Variants in HEXA observed in about 807,000 individuals in gnomAD.
HEXA encodes the protein beta-hexosaminidase subunit alpha.
HEXA carries 54 observed loss-of-function variants against 73.3 expected under a neutral mutation model. That is an observed-to-expected ratio of 0.74 (90% CI 0.59 to 0.92). The LOEUF (loss-of-function observed/expected upper bound fraction) is 0.92, where lower values mean the gene tolerates loss of function less well. Ranked by LOEUF, HEXA falls within the 40% of genes least tolerant of loss-of-function variation. The pLI, the probability that HEXA is intolerant of heterozygous loss-of-function variation, is 0.00. For missense variants in HEXA, 649 were observed against 653.0 expected (o/e 0.99, Z 0.07); for synonymous variants, 230 against 246.9 (o/e 0.93, Z 0.64).
chr15:72,371,235 G>C (rs1237010730), intron 1 of HEXA, among the ~76,000 whole-genome samples: 3 of 152,106 alleles, frequency 2.0e-5, no homozygotes, highest in Non-Finnish European at 2.9e-5. Flanking sequence ...AGCATAGTGT[G>C]ATTATCCTTT....
Position 72,375,978 on chromosome 15 carries a change from G to A in HEXA, c.-6C>T, listed in dbSNP as rs753916320. On this transcript the variant is annotated 5_prime_UTR_variant, in exon 1 of 14. Coordinates refer to ENST00000268097, the MANE Select transcript of HEXA (RefSeq NM_000520.6). ...CAAAGCCTGGAGCTTGTCATGGCCC[G>A]CTGGTCTCCCCTCTCGGAGGGGGCT... The A allele has an allele frequency of 3.1e-6, 5 of 1,612,838 alleles. No homozygotes were observed. The highest frequency in any genetic ancestry group is 3.3e-5 in the Admixed American group (2 of 60,006).
At chr15:72,346,144 T>G in intron 12 of HEXA, 91 bp downstream of exon 12, 1 of 868,276 alleles carries the variant, frequency 1.2e-6, no homozygotes, top group East Asian at 2.6e-5. Context: ...AGAAGGGTAC[T>G]AGTCCAGAGG....
intron 2 of HEXA, among the ~76,000 whole-genome samples, chr15:72,356,237 G>A (rs1176039218): frequency 6.6e-6 from 1 of 152,168 alleles, no homozygotes; most frequent in Non-Finnish European, 1.5e-5. Context: ...GAGAAAAGTA[G>A]CAAAGTATAC....
intron 7 of HEXA, among the ~76,000 whole-genome samples, chr15:72,349,493 C>T (rs1321291100): frequency 1.3e-5 from 2 of 152,202 alleles, no homozygotes; most frequent in African/African-American, 4.8e-5. Context: ...TCCAGCCAGA[C>T]AACTGTCAGT....
rs752813753 is a variant in HEXA at position 72,353,166 on chromosome 15, T to C, written c.472A>G (p.Lys158Glu). The C allele has an allele frequency of 1.9e-6, 3 of 1,607,896 alleles. No homozygotes were observed. Among genetic ancestry groups the C allele is most frequent in the Admixed American group, 1.7e-5 (1 of 59,968 alleles). ...KSAEGTFFIN[K>E]TEIEDFPRFP... ...CGGGGAAAGTCCTCAATCTCAGTCT[T>C]GTTGATAAAGAACTGTGCAGAACAA... Residue 158 changes from lysine to glutamate, a missense_variant, in exon 5 of 14, where the codon AAG becomes GAG. Coordinates refer to ENST00000268097, the MANE Select transcript of HEXA (RefSeq NM_000520.6).
At chr15:72,350,715 A>C in intron 6 of HEXA, 65 bp from the exon 7 acceptor site, 7 of 1,594,574 alleles carry the variant, frequency 4.4e-6, no homozygotes, top group African/African-American at 1.3e-5. Flanking sequence ...GAAGATACTC[A>C]AAATGCCCAC....
At chr15:72,354,635 A>G (rs2088748572) in intron 3 of HEXA, 1 of 152,404 alleles carries the variant, frequency 6.6e-6, no homozygotes, top group African/African-American at 2.4e-5. Context: ...ACTCACCATC[A>G]GCACCTGCAT....
At chr15:72,357,527 G>A (rs1342260070) in intron 1 of HEXA, 1 of 152,224 alleles carries the variant, frequency 6.6e-6, no homozygotes, top group African/African-American at 2.4e-5. Flanking sequence ...GTGATTTTCA[G>A]GGTGGCTCTG....
At chr15:72,365,260 TTTATTA>T (rs956263366) in intron 1 of HEXA, among the ~76,000 whole-genome samples, 1 of 152,080 alleles carries the variant, frequency 6.6e-6, no homozygotes, top group Non-Finnish European at 1.5e-5. Context: ...CGGCTAATTT[TTTATTA>T]TTATTATTAT....
intron 1 of HEXA, chr15:72,370,230 G>T: frequency 6.1e-6 from 1 of 164,760 alleles, no homozygotes; most frequent in Non-Finnish European, 1.3e-5. Context: ...CACATCCTGA[G>T]TCCTCCAATG....
intron 1 of HEXA, among the ~76,000 whole-genome samples, chr15:72,371,237 T>C (rs2088987392): frequency 6.6e-6 from 1 of 152,142 alleles, no homozygotes; most frequent in South Asian, 2.1e-4. Context: ...CATAGTGTGA[T>C]TATCCTTTGC....
chr15:72,359,784 AT>A (rs1478565637), intron 1 of HEXA: 2 of 150,742 alleles, frequency 1.3e-5, no homozygotes, highest in Non-Finnish European at 3.0e-5. Context: ...AATATTTACG[AT>A]TAAAAAAAAA....
chr15:72,373,048 T>C (rs943265042), intron 1 of HEXA, among the ~76,000 whole-genome samples: 3 of 152,140 alleles, frequency 2.0e-5, no homozygotes, highest in African/African-American at 7.2e-5. Context: ...GGAGAATTGC[T>C]TGAGACCGGG....
chr15:72,372,477 A>G (rs1567306877), intron 1 of HEXA, among the ~76,000 whole-genome samples: 1 of 152,232 alleles, frequency 6.6e-6, no homozygotes, highest in Non-Finnish European at 1.5e-5. Flanking sequence ...CTGGAGCAAC[A>G]TTAGATGGGT....
At chr15:72,374,053 T>C (rs1029112886) in intron 1 of HEXA, among the ~76,000 whole-genome samples, 3 of 149,294 alleles carry the variant, frequency 2.0e-5, no homozygotes, top group African/African-American at 7.4e-5. Context: ...ATGTATACAA[T>C]AGTAGGAAAC....
intron 1 of HEXA, among the ~76,000 whole-genome samples, chr15:72,364,685 T>A (rs1443485937): frequency 6.6e-6 from 1 of 152,148 alleles, no homozygotes; most frequent in East Asian, 1.9e-4. Context: ...CAAATCCACA[T>A]ATATGGGCCC....
chr15:72,359,944 G>A (rs1313458599), intron 1 of HEXA: 2 of 152,000 alleles, frequency 1.3e-5, no homozygotes, highest in Non-Finnish European at 2.9e-5. Context: ...TAACAAGGAC[G>A]CTCTATCACC....
At chr15:72,356,682 C>T in intron 1 of HEXA, 65 bp from the exon 2 acceptor site, 1 of 1,605,964 alleles carries the variant, frequency 6.2e-7, no homozygotes, top group Non-Finnish European at 8.5e-7. Flanking sequence ...AAAACCAAGA[C>T]CCTAGCTCTA....
At chr15:72,356,867 G>A (rs2088792083) in intron 1 of HEXA, 5 of 592,338 alleles carry the variant, frequency 8.4e-6, no homozygotes, top group African/African-American at 1.8e-5. Flanking sequence ...TCTTAACCAG[G>A]GCTCTATATT....
Sources: allele counts gnomAD v4.1 joint callset (sites outside exome capture counted in the v4.1 genomes callset), GRCh38; gene constraint gnomAD v4.1.1; transcripts MANE v1.5; gene names NCBI Gene and HGNC (gene_info 2026-07-23, HGNC 2026-07-21).